GET1: variants seen among roughly 807,000 people sequenced by gnomAD.
GET1 encodes guided entry of tail-anchored proteins factor 1, also known as congenital heart disease 5 protein.
A neutral mutation model predicts 22.6 loss-of-function variants in GET1; 20 were observed. That is an observed-to-expected ratio of 0.89 (90% CI 0.62 to 1.29). GET1 has a LOEUF of 1.29. Ranked by LOEUF, GET1 falls within the 50% of genes most tolerant of loss-of-function variation. GET1 has a pLI of 0.00. For missense variants in GET1, 209 were observed against 219.9 expected (o/e 0.95, Z 0.31); for synonymous variants, 92 against 83.8 (o/e 1.10, Z -0.53).
At position 39,396,914 on chromosome 21, in the gene GET1, C is replaced by T. The variant is rs1304018510; in HGVS notation, c.500C>T (p.Ala167Val). 1 of 1,614,058 alleles carries T rather than the reference C, an allele frequency of 6.2e-7. No individual in the cohort carries two copies. Among genetic ancestry groups the T allele is most frequent in the Non-Finnish European group, 8.5e-7 (1 of 1,180,018 alleles). ...ATTTTAGTCTGTAACAAAGTTGTCGCTATTGTGCTTCATCCGTTCAGCTGA... is the reference window on the plus strand; with the variant it reads ...ATTTTAGTCTGTAACAAAGTTGTCGTTATTGTGCTTCATCCGTTCAGCTGA... Reference protein sequence around the residue: ...CWILVCNKVVAIVLHPFS With the variant: ...CWILVCNKVVVIVLHPFS Residue 167 changes from alanine to valine, a missense_variant, in exon 5 of 5, where the codon GCT (alanine) becomes GTT (valine). Transcript: ENST00000649170.
intron 1 of GET1, chr21:39,381,060 G>GAC: frequency 3.0e-6 from 2 of 659,440 alleles, no homozygotes; most frequent in Non-Finnish European, 3.8e-6. Flanking sequence ...CGGCTGCTGG[G>GAC]AGAGGCGAGT....
intron 1 of GET1, chr21:39,380,735 T>TGGC: frequency 9.9e-6 from 12 of 1,214,150 alleles, no homozygotes; most frequent in Non-Finnish European, 1.2e-5. Context: ...TGGCTGTGGG[T>TGGC]GGCGGCGGCG....
chr21:39,397,364 A>G lies in GET1; in HGVS notation c.*425A>G, dbSNP rs13230. The stretch of plus-strand genomic sequence containing the variant: ...TAGAAAGTAACTTAATTTTAATACC[A>G]CTACTAAAAATTCGAAAATTTCTTC... On this transcript the variant is annotated 3_prime_UTR_variant, in exon 5 of 5. Transcript: ENST00000649170. 0.66 allele frequency: 103,762 copies of G among 158,334 alleles called. 34,477 individuals carry two copies. Among genetic ancestry groups the G allele is most frequent in the East Asian group, 0.78 (4,131 of 5,328 alleles). 9.8% of individuals were successfully genotyped at this position (158,334 alleles called of 1,614,324 possible).
intron 1 of GET1, chr21:39,428,005 C>T (rs1370851458): frequency 3.7e-6 from 2 of 541,074 alleles, no homozygotes; most frequent in African/African-American, 1.9e-5. Context: ...TATAATTACT[C>T]TTAATTTCTC....
At chr21:39,418,046 G>A (rs942564969) in intron 1 of GET1, among the ~76,000 whole-genome samples, 7 of 152,316 alleles carry the variant, frequency 4.6e-5, no homozygotes, top group African/African-American at 7.2e-5. Flanking sequence ...GATTACAGGC[G>A]TGAGCCACCG....
intron 1 of GET1, 177 bp downstream of exon 1, chr21:39,380,663 C>G: frequency 1.4e-6 from 2 of 1,418,300 alleles, no homozygotes; most frequent in South Asian, 3.0e-5. Flanking sequence ...CGCTTTACCC[C>G]AAAATCAGAC....
At chr21:39,411,644 T>A in intron 1 of GET1, 1 of 701,262 alleles carries the variant, frequency 1.4e-6, no homozygotes, top group Admixed American at 2.7e-5. Flanking sequence ...TATCCATTAT[T>A]TTGTCTATAT....
At chr21:39,384,012 A>T (rs1469992152) in intron 1 of GET1, among the ~76,000 whole-genome samples, 1 of 149,636 alleles carries the variant, frequency 6.7e-6, no homozygotes, top group Non-Finnish European at 1.5e-5. Flanking sequence ...AAGTACTGGG[A>T]TTACAGGCGT....
rs774851605 is a variant in GET1 at position 39,422,898 on chromosome 21, G to T, written c.*24-5334G>T. Reference sequence around the variant, plus strand: ...GTTAGTAATGCTTTGTTACAGAGGGGGCGCATCCATGATTAATTCACACCC... The same window carrying T: ...GTTAGTAATGCTTTGTTACAGAGGGTGCGCATCCATGATTAATTCACACCC... On this transcript the variant is annotated intron_variant, in intron 1 of 1. Coordinates refer to the GET1 transcript ENST00000478273. 7.0e-6 allele frequency: 9 copies of T among 1,280,898 alleles called. No individual in the cohort carries two copies. The African/African-American group carries it at 1.3e-4, about 19-fold the overall frequency. 79.3% of individuals were successfully genotyped at this position (1,280,898 alleles called of 1,614,324 possible).
chr21:39,418,366 T>G (rs993717032), intron 1 of GET1, among the ~76,000 whole-genome samples: 17 of 152,330 alleles, frequency 1.1e-4, no homozygotes, highest in Admixed American at 7.8e-4. Context: ...TAGATATCCA[T>G]TGTGTGGAGG....
intron 1 of GET1, chr21:39,423,130 A>G: frequency 6.2e-7 from 1 of 1,613,884 alleles, no homozygotes; most frequent in Non-Finnish European, 8.5e-7. Flanking sequence ...AGTTTCTCTA[A>G]GTTTCCTAGA....
chr21:39,412,678 A>G (rs938596286), intron 1 of GET1, among the ~76,000 whole-genome samples: 1 of 152,066 alleles, frequency 6.6e-6, no homozygotes, highest in Admixed American at 6.5e-5. Flanking sequence ...GGTCAAATCT[A>G]TGGGCCAAGG....
At chr21:39,388,001 C>T in intron 1 of GET1, 1 of 349,794 alleles carries the variant, frequency 2.9e-6, no homozygotes, top group Non-Finnish European at 4.0e-6. Flanking sequence ...ACAGTCAATA[C>T]CGATAACTGA....
At chr21:39,420,555 G>A (rs1027652876) in intron 1 of GET1, 2 of 302,682 alleles carry the variant, frequency 6.6e-6, no homozygotes, top group African/African-American at 4.8e-5. Context: ...AAACAGAACT[G>A]TGGATGGGGG....
At chr21:39,423,160 T>C (rs188261499) in intron 1 of GET1, 1 of 1,613,664 alleles carries the variant, frequency 6.2e-7, no homozygotes, top group East Asian at 2.2e-5. Flanking sequence ...TTCCTTTTCC[T>C]GGGATTTCCT....
chr21:39,385,191 C>CT (rs1421368929), intron 1 of GET1, among the ~76,000 whole-genome samples: 1 of 152,164 alleles, frequency 6.6e-6, no homozygotes, highest in Non-Finnish European at 1.5e-5. Context: ...CGCTCAGGTA[C>CT]TTAGATTATA....
At chr21:39,401,487 G>T (rs1191453589), downstream of GET1, among the ~76,000 whole-genome samples, 1 of 152,096 alleles carries the variant, frequency 6.6e-6, no homozygotes, top group African/African-American at 2.4e-5. Context: ...GAACCTTTGC[G>T]ATCCCCACTG....
At chr21:39,380,540 C>T (rs2037489041) in intron 1 of GET1, 54 bp downstream of exon 1, 3 of 1,572,848 alleles carry the variant, frequency 1.9e-6, no homozygotes, top group African/African-American at 1.4e-5. Context: ...CCCAGTCCCC[C>T]GGCGGGTCTG....
chr21:39,388,061 C>T (rs2038042442), intron 1 of GET1, among the ~76,000 whole-genome samples: 3 of 152,178 alleles, frequency 2.0e-5, no homozygotes, highest in South Asian at 4.1e-4. Context: ...CCCCTCATTC[C>T]GAGATACTTT....
Sources: allele counts gnomAD v4.1 joint callset (sites outside exome capture counted in the v4.1 genomes callset), GRCh38; gene constraint gnomAD v4.1.1; transcripts MANE v1.5; gene names NCBI Gene and HGNC (gene_info 2026-07-23, HGNC 2026-07-21).